RABGAP1: variants seen among roughly 807,000 people sequenced by gnomAD.
The protein encoded by RABGAP1 is rab GTPase-activating protein 1.
A neutral mutation model predicts 137.6 loss-of-function variants in RABGAP1; 23 were observed. The ratio of observed to expected loss-of-function variants is 0.17; its 90% CI spans 0.12 to 0.24. The LOEUF is 0.24. RABGAP1 is among the 10% of genes least tolerant of loss of function. The probability of loss-of-function intolerance (pLI) is 1.00; values close to 1 mark genes in which losing one functional copy is unlikely to be tolerated. For missense variants in RABGAP1, 906 were observed against 1,275.8 expected (o/e 0.71, Z 4.42); for synonymous variants, 451 against 450.7 (o/e 1.00, Z -0.01).
intron 1 of RABGAP1, among the ~76,000 whole-genome samples, chr9:122,952,344 C>T (rs1025200168): frequency 3.3e-5 from 5 of 151,900 alleles, no homozygotes; most frequent in African/African-American, 1.2e-4. Context: ...CTGCAAGCTC[C>T]GCCTCCTGGG....
intron 2 of RABGAP1, among the ~76,000 whole-genome samples, chr9:122,964,732 TA>T (rs1344389425): frequency 6.6e-6 from 1 of 152,188 alleles, no homozygotes; most frequent in Non-Finnish European, 1.5e-5. Flanking sequence ...CTCATGCTTG[TA>T]ATCCCAGCAC....
At chr9:122,934,126 G>A in the RABGAP1 span, among the ~76,000 whole-genome samples, 1 of 146,826 alleles carries the variant, frequency 6.8e-6, no homozygotes, top group African/African-American at 2.5e-5. Context: ...CACCCAGGCT[G>A]GAGTGCAGTG....
intron 13 of RABGAP1, chr9:123,063,405 G>C (rs564024266): frequency 1.3e-5 from 2 of 152,716 alleles, no homozygotes; most frequent in Admixed American, 1.3e-4. Flanking sequence ...TATATGTTCA[G>C]TTCTCTTTGG....
Position 123,096,734 on chromosome 9 carries a change from A to G in RABGAP1, c.2629-1007A>G, listed in dbSNP as rs143619483. ...CAGGCGCCTGCCACCACGCCCGGCT[A>G]ATTTTTTGTATATTTTTAGTAGAAA... On this transcript the variant is annotated intron_variant, in intron 21 of 25. Coordinates refer to ENST00000373647, the MANE Select transcript of RABGAP1 (RefSeq NM_012197.4). Among the ~76,000 whole-genome samples the G allele has an allele frequency of 1.2e-4, 19 of 152,130 alleles. No homozygotes were observed. In the East Asian group the frequency reaches 3.7e-3, roughly 29 times the overall value.
At chr9:123,034,913 C>T in intron 13 of RABGAP1, 3 of 1,613,160 alleles carry the variant, frequency 1.9e-6, no homozygotes, top group Non-Finnish European at 2.5e-6. Flanking sequence ...AAGAGCGTCT[C>T]CATGGCTTCT....
At position 122,984,386 on chromosome 9, in the gene RABGAP1, A is replaced by G. The variant is rs547727791; in HGVS notation, c.151-99A>G. The G allele has an allele frequency of 1.3e-4, 125 of 996,852 alleles. No homozygotes were observed. In the African/African-American group the frequency reaches 1.6e-3, roughly 12 times the overall value. 61.8% of individuals were successfully genotyped at this position (996,852 alleles called of 1,614,324 possible). ...ACATTCAGAAGATATCTTTGTATCA[A>G]AAGAAATGCTAATGATTTTCTTTAG... is the stretch of plus-strand genomic sequence containing the variant. On this transcript the variant is annotated intron_variant, in intron 2 of 25. Coordinates refer to ENST00000373647, the MANE Select transcript of RABGAP1 (RefSeq NM_012197.4).
chr9:122,947,399 G>C (rs1371683434), intron 1 of RABGAP1, among the ~76,000 whole-genome samples: 1 of 152,174 alleles, frequency 6.6e-6, no homozygotes, highest in Non-Finnish European at 1.5e-5. Context: ...AAGGATAGAT[G>C]ATGGTGATGG....
chr9:122,943,894 A>G (rs1833768737), intron 1 of RABGAP1, among the ~76,000 whole-genome samples: 1 of 152,174 alleles, frequency 6.6e-6, no homozygotes, highest in African/African-American at 2.4e-5. Flanking sequence ...CGGAGCTTGC[A>G]GTGAGCCAAG....
At chr9:123,081,255 TAGTA>T (rs1437196999) in intron 19 of RABGAP1, among the ~76,000 whole-genome samples, 36 of 152,224 alleles carry the variant, frequency 2.4e-4, no homozygotes, top group Admixed American at 2.4e-3. Flanking sequence ...AGTAAGCCAT[TAGTA>T]AGTAAATTCT....
chr9:123,096,261 A>C (rs577017904), intron 21 of RABGAP1, among the ~76,000 whole-genome samples: 1 of 152,342 alleles, frequency 6.6e-6, no homozygotes, highest in African/African-American at 2.4e-5. Context: ...TTACACCTTC[A>C]AAGGGTATTA....
chr9:122,945,087 T>C (rs1324251405), intron 1 of RABGAP1, among the ~76,000 whole-genome samples: 1 of 147,642 alleles, frequency 6.8e-6, no homozygotes, highest in African/African-American at 2.5e-5. Flanking sequence ...AATTCAAGGC[T>C]CAGGACTTAA....
intron 6 of RABGAP1, among the ~76,000 whole-genome samples, chr9:122,991,285 C>T (rs1262158193): frequency 6.6e-6 from 1 of 151,880 alleles, no homozygotes; most frequent in African/African-American, 2.4e-5. Context: ...AAATTACAGC[C>T]CATGTCCCAA....
intron 1 of RABGAP1, among the ~76,000 whole-genome samples, chr9:122,950,851 G>A (rs1364570141): frequency 6.6e-6 from 1 of 152,192 alleles, no homozygotes; most frequent in Non-Finnish European, 1.5e-5. Flanking sequence ...AAAGAAGGAC[G>A]ATGATGTGAT....
chr9:123,043,939 C>A (rs2033080926), intron 13 of RABGAP1, among the ~76,000 whole-genome samples: 1 of 140,906 alleles, frequency 7.1e-6, no homozygotes, highest in African/African-American at 2.7e-5. Flanking sequence ...CTCACTCAGT[C>A]ACCCAGGCTG....
At chr9:122,934,279 C>T in the RABGAP1 span, among the ~76,000 whole-genome samples, 13 of 151,752 alleles carry the variant, frequency 8.6e-5, no homozygotes, top group South Asian at 2.1e-4. Context: ...AGGGTTTCAC[C>T]ATGTTAGCTA....
chr9:122,994,296 ACTTT>A (rs1206980890), intron 6 of RABGAP1, among the ~76,000 whole-genome samples: 1 of 152,152 alleles, frequency 6.6e-6, no homozygotes, highest in Non-Finnish European at 1.5e-5. Flanking sequence ...ACCAGAGACA[ACTTT>A]CTGTCTATTG....
At chr9:122,962,849 G>C (rs1413339217) in intron 2 of RABGAP1, among the ~76,000 whole-genome samples, 1 of 151,994 alleles carries the variant, frequency 6.6e-6, no homozygotes, top group Non-Finnish European at 1.5e-5. Flanking sequence ...TATACTTTAG[G>C]TTTAGAGATA....
At chr9:123,046,304 A>C (rs1026218419) in intron 13 of RABGAP1, among the ~76,000 whole-genome samples, 1 of 152,214 alleles carries the variant, frequency 6.6e-6, no homozygotes, top group Non-Finnish European at 1.5e-5. Flanking sequence ...AGCGGTAAAG[A>C]GGGGTCACTT....
rs2034323419 is a variant in RABGAP1 at position 123,070,618 on chromosome 9, C to G, written c.1983+194C>G. Among the ~76,000 whole-genome samples the G allele has an allele frequency of 6.6e-6, 1 of 152,146 alleles. No individual in the cohort carries two copies. Among genetic ancestry groups the G allele is most frequent in the African/African-American group, 2.4e-5 (1 of 41,434 alleles). On this transcript the variant is annotated intron_variant, in intron 15 of 25. Transcript: ENST00000373647. This position sits in a 1 kb window ranked among gnomAD's most constrained non-coding sequence, Gnocchi z 4.4. ...GGAGATATATGATGAGAATAAACGG[C>G]AATGTTGAAAACTGGTACAGGGGTA...
Sources: allele counts gnomAD v4.1 joint callset (sites outside exome capture counted in the v4.1 genomes callset), GRCh38; gene constraint gnomAD v4.1.1; non-coding constraint Gnocchi (gnomAD v3.1); transcripts MANE v1.5; gene names NCBI Gene and HGNC (gene_info 2026-07-23, HGNC 2026-07-21).